Variants in CDIN1 observed in about 807,000 individuals in gnomAD.
CDIN1 encodes CDAN1-interacting nuclease 1.
CDIN1 carries 33 observed loss-of-function variants against 45.3 expected under a neutral mutation model. The ratio of observed to expected loss-of-function variants is 0.73; its 90% CI spans 0.55 to 0.97. CDIN1 has a LOEUF of 0.97. Ranked by LOEUF, CDIN1 falls within the 50% of genes least tolerant of loss-of-function variation. CDIN1 has a pLI of 0.00. For synonymous variants in CDIN1, 118 were observed against 124.4 expected (o/e 0.95, Z 0.34); for missense variants, 303 against 339.4 (o/e 0.89, Z 0.84).
chr15:36,760,933 C>G (rs1468854869), intron 10 of CDIN1, among the ~76,000 whole-genome samples: 4 of 152,316 alleles, frequency 2.6e-5, no homozygotes, highest in Middle Eastern at 6.8e-3. Flanking sequence ...ATGCCCATTT[C>G]TCAGCACCCT....
chr15:36,689,407 A>G (rs2042164617), intron 5 of CDIN1, among the ~76,000 whole-genome samples: 1 of 152,126 alleles, frequency 6.6e-6, no homozygotes, highest in Non-Finnish European at 1.5e-5. Context: ...GGCCACTTAC[A>G]TATTAGTGAT....
At chr15:36,758,976 TC>T (rs1331884829) in intron 10 of CDIN1, among the ~76,000 whole-genome samples, 1 of 152,212 alleles carries the variant, frequency 6.6e-6, no homozygotes, top group Admixed American at 6.5e-5. Flanking sequence ...CTTTTGCATT[TC>T]TCTGGGGGTG....
intron 3 of CDIN1, among the ~76,000 whole-genome samples, chr15:36,653,456 T>TAAA (rs10634949): frequency 0.014 from 2,037 of 147,270 alleles, 37 homozygotes; most frequent in African/African-American, 0.047. Flanking sequence ...CAAATTTTTG[T>TAAA]AAAAAAAAAA....
At chr15:36,651,301 T>C (rs2140438814) in intron 3 of CDIN1, among the ~76,000 whole-genome samples, 1 of 152,292 alleles carries the variant, frequency 6.6e-6, no homozygotes, top group South Asian at 2.1e-4. Context: ...TCAGGGTAAC[T>C]GGAGACAGAA....
At chr15:36,683,213 C>T (rs931353213) in intron 5 of CDIN1, among the ~76,000 whole-genome samples, 1 of 151,552 alleles carries the variant, frequency 6.6e-6, no homozygotes, top group South Asian at 2.1e-4. Context: ...GGTTTTAGGT[C>T]TAACATTTAA....
intron 1 of CDIN1, among the ~76,000 whole-genome samples, chr15:36,586,665 C>T (rs767212102): frequency 3.9e-5 from 6 of 152,188 alleles, no homozygotes; most frequent in Non-Finnish European, 5.9e-5. Context: ...ATCACTTCAG[C>T]TCAGGGTTTT....
intron 10 of CDIN1, among the ~76,000 whole-genome samples, chr15:36,740,969 C>T (rs548318146): frequency 4.7e-4 from 72 of 152,086 alleles, no homozygotes; most frequent in African/African-American, 1.6e-3. Context: ...CAAGGTCTCA[C>T]TCTCTCACCC....
chr15:36,726,274 C>G (rs1012474423), intron 10 of CDIN1, among the ~76,000 whole-genome samples: 1 of 152,182 alleles, frequency 6.6e-6, no homozygotes, highest in Non-Finnish European at 1.5e-5. Flanking sequence ...TGTCATGTCA[C>G]TGGGAGCTAA....
intron 1 of CDIN1, chr15:36,626,790 T>C (rs2039446190): frequency 9.3e-6 from 3 of 322,360 alleles, no homozygotes; most frequent in African/African-American, 2.2e-5. Context: ...ATGATGGGGG[T>C]CAGGGTTGCT....
intron 10 of CDIN1, among the ~76,000 whole-genome samples, chr15:36,715,651 C>T (rs1293340936): frequency 6.6e-6 from 1 of 152,182 alleles, no homozygotes; most frequent in East Asian, 1.9e-4. Flanking sequence ...GTAGCAATAA[C>T]AAGTGACAGA....
intron 5 of CDIN1, among the ~76,000 whole-genome samples, chr15:36,690,051 G>A (rs1028995876): frequency 3.9e-5 from 6 of 152,192 alleles, no homozygotes; most frequent in Non-Finnish European, 1.5e-5. Context: ...GCTGGGTGAT[G>A]CTCTTTTGGA....
At chr15:36,667,433 T>G (rs887219780) in intron 5 of CDIN1, among the ~76,000 whole-genome samples, 18 of 152,186 alleles carry the variant, frequency 1.2e-4, no homozygotes, top group African/African-American at 3.6e-4. Flanking sequence ...ACGCTTTGTG[T>G]GTACAGCTAT....
chr15:36,808,262 T>A lies in CDIN1; in HGVS notation c.717-62T>A, dbSNP rs1226814419. 6 of 1,589,244 alleles carry A rather than the reference T, an allele frequency of 3.8e-6. No individual in the cohort carries two copies. In the East Asian group the frequency reaches 1.3e-4, roughly 36 times the overall value. On this transcript the variant is annotated intron_variant, in intron 10 of 10. Coordinates refer to ENST00000566621, the MANE Select transcript of CDIN1 (RefSeq NM_001321759.2). ...TAATCATCTTATCAGTGCCCCAAGG[T>A]GACTTTTTTCAAGAGCTCTGTTGAT...
chr15:36,789,449 C>G (rs946939172), intron 10 of CDIN1, among the ~76,000 whole-genome samples: 6 of 152,098 alleles, frequency 3.9e-5, no homozygotes, highest in South Asian at 2.1e-4. Flanking sequence ...AAATCTTCTG[C>G]GACCTTCCTA....
intron 1 of CDIN1, among the ~76,000 whole-genome samples, chr15:36,633,455 G>C (rs1474652150): frequency 6.6e-6 from 1 of 152,038 alleles, no homozygotes; most frequent in African/African-American, 2.4e-5. Context: ...TTTGCTGTTT[G>C]ATACTTTATA....
chr15:36,597,818 A>C (rs891505862), intron 1 of CDIN1, among the ~76,000 whole-genome samples: 5 of 152,156 alleles, frequency 3.3e-5, no homozygotes, highest in African/African-American at 1.2e-4. Context: ...TCTGATGGTA[A>C]GGTCAAGTTT....
At chr15:36,637,128 A>C (rs1384637200) in intron 1 of CDIN1, among the ~76,000 whole-genome samples, 1 of 143,130 alleles carries the variant, frequency 7.0e-6, no homozygotes, top group Non-Finnish European at 1.5e-5. Flanking sequence ...AGAAAGTCCC[A>C]AAATAGATTC....
At chr15:36,740,204 T>A (rs1182075496) in intron 10 of CDIN1, among the ~76,000 whole-genome samples, 1 of 152,176 alleles carries the variant, frequency 6.6e-6, no homozygotes, top group Non-Finnish European at 1.5e-5. Flanking sequence ...AAGGACCTCT[T>A]TTTTGCATCT....
At chr15:36,646,138 G>A (rs1424190139) in intron 3 of CDIN1, among the ~76,000 whole-genome samples, 1 of 152,150 alleles carries the variant, frequency 6.6e-6, no homozygotes, top group African/African-American at 2.4e-5. Context: ...TTATACTTAA[G>A]ATTGACAGAT....
Sources: gnomAD v4.1 joint callset for allele counts (sites outside exome capture counted in the v4.1 genomes callset) on GRCh38, gnomAD v4.1.1 for gene constraint, MANE v1.5 for transcripts, NCBI Gene and HGNC (gene_info 2026-07-23, HGNC 2026-07-21) for gene names.